The following UGT1A9 variants were observed in gnomAD, a reference collection of about 807,000 sequenced individuals.
UGT1A9 encodes the protein UDP glucuronosyltransferase family 1 member A9.
A neutral mutation model predicts 45.0 loss-of-function variants in UGT1A9; 35 were observed. That is an observed-to-expected ratio of 0.78 (90% CI 0.59 to 1.03). The LOEUF (loss-of-function observed/expected upper bound fraction) is 1.03. Ranked by LOEUF, UGT1A9 falls within the 50% of genes least tolerant of loss-of-function variation. UGT1A9 has a pLI of 0.00. For synonymous variants in UGT1A9, 278 were observed against 250.6 expected (o/e 1.11, Z -1.03); for missense variants, 687 against 666.6 (o/e 1.03, Z -0.34).
intron 1 of UGT1A9, among the ~76,000 whole-genome samples, chr2:233,733,343 A>G (rs1239726536): frequency 4.6e-5 from 7 of 152,182 alleles, no homozygotes. Flanking sequence ...TTCCAACAGT[A>G]TGTTGAGTAG....
intron 1 of UGT1A9, chr2:233,743,933 G>T (rs1319527828): frequency 7.4e-7 from 1 of 1,357,046 alleles, no homozygotes; most frequent in African/African-American, 1.5e-5. Context: ...TGGCCAGAAC[G>T]GCCCACCAGG....
intron 1 of UGT1A9, among the ~76,000 whole-genome samples, chr2:233,707,484 T>TA (rs1234449906): frequency 6.6e-6 from 1 of 152,176 alleles, no homozygotes; most frequent in Admixed American, 6.5e-5. Context: ...CAGATGATTT[T>TA]ACCTGTTTCG....
chr2:233,759,596 C>G (rs1697189496), intron 1 of UGT1A9, among the ~76,000 whole-genome samples: 1 of 145,706 alleles, frequency 6.9e-6, no homozygotes, highest in Non-Finnish European at 1.5e-5. Flanking sequence ...CCCCCCACCC[C>G]CGACCCGCCC....
intron 1 of UGT1A9, among the ~76,000 whole-genome samples, chr2:233,752,110 GAGA>G (rs1201520833): frequency 1.3e-5 from 2 of 152,210 alleles, no homozygotes; most frequent in East Asian, 1.9e-4. Flanking sequence ...AGAATCAGAG[GAGA>G]AGAAGATGAT....
Position 233,713,763 on chromosome 2 carries a change from C to G in UGT1A9, c.855+40974C>G, listed in dbSNP as rs145951104. 4 of 1,613,766 alleles carry G rather than the reference C, an allele frequency of 2.5e-6. No individual in the cohort carries two copies. In the African/African-American group the frequency reaches 4.0e-5, roughly 16 times the overall value. On this transcript the variant is annotated intron_variant, in intron 1 of 4. Transcript: ENST00000354728. Reference sequence around the variant, plus strand: ...CAGCCATGCATCTGTGTGGCTGTTCCGAGGGGACTTTGTGATGGATTACCC... The same window carrying G: ...CAGCCATGCATCTGTGTGGCTGTTCGGAGGGGACTTTGTGATGGATTACCC...
At chr2:233,716,411 C>T (rs1382859700) in intron 1 of UGT1A9, among the ~76,000 whole-genome samples, 1 of 152,134 alleles carries the variant, frequency 6.6e-6, no homozygotes, top group Non-Finnish European at 1.5e-5. Flanking sequence ...GTGAAACCCA[C>T]ATCTTATTCA....
rs768211852 is a variant in UGT1A9 at position 233,729,747 on chromosome 2, C to T, written c.856-37287C>T. 3.1e-6 allele frequency: 5 copies of T among 1,614,002 alleles called. No individual in the cohort carries two copies. The South Asian group carries it at 4.4e-5, about 14-fold the overall frequency. The stretch of plus-strand genomic sequence containing the variant: ...CAACCAATTCAGACCACATGACATT[C>T]ATGCAAAGGGTCAAGAACATGCTCT... On this transcript the variant is annotated intron_variant, in intron 1 of 4. Coordinates refer to ENST00000354728, the MANE Select transcript of UGT1A9 (RefSeq NM_021027.3).
At chr2:233,710,145 TATC>T (rs1430015885) in intron 1 of UGT1A9, among the ~76,000 whole-genome samples, 2 of 152,254 alleles carry the variant, frequency 1.3e-5, no homozygotes, top group African/African-American at 4.8e-5. Context: ...TGTATAGATA[TATC>T]ATCATTTGCT....
chr2:233,722,619 T>G (rs1335321752), intron 1 of UGT1A9, among the ~76,000 whole-genome samples: 2 of 152,244 alleles, frequency 1.3e-5, no homozygotes. Context: ...TGATTTTTCT[T>G]AATGAAGCAT....
At chr2:233,681,842 C>A in intron 1 of UGT1A9, 2 of 1,515,948 alleles carry the variant, frequency 1.3e-6, no homozygotes, top group Non-Finnish European at 1.8e-6. Context: ...TAAGTACACG[C>A]CTTCTTTTGA....
In UGT1A9 at chr2:233,769,623, G is replaced by A. The variant is rs1699907575; in HGVS notation, c.1295+1184G>A. The A allele has an allele frequency of 6.2e-7, 1 of 1,612,212 alleles. No homozygotes were observed. Among genetic ancestry groups the A allele is most frequent in the Non-Finnish European group, 8.5e-7 (1 of 1,179,652 alleles). On this transcript the variant is annotated intron_variant, in intron 4 of 4. Transcript: ENST00000354728. This position sits in a 1 kb window ranked among gnomAD's most constrained non-coding sequence, Gnocchi z 4.4. Reference sequence around the variant, plus strand: ...ACGGGGACACACCAGCTTGAGCAAGGGACAACAGGGGAGGACTGATGACTG... The same window carrying A: ...ACGGGGACACACCAGCTTGAGCAAGAGACAACAGGGGAGGACTGATGACTG...
At chr2:233,748,125 T>A in intron 1 of UGT1A9, 1 of 1,610,546 alleles carries the variant, frequency 6.2e-7, no homozygotes, top group Middle Eastern at 2.0e-4. Context: ...GGCAAAACAG[T>A]TTTTAAAAAT....
chr2:233,682,383 C>T lies in UGT1A9; in HGVS notation c.855+9594C>T, dbSNP rs368625224. ...TGTTTTGATGCAGTGTTTCTCGATC[C>T]TTTTGATGCCTGTGGCTTAATTGTT... is the stretch of plus-strand genomic sequence containing the variant. On this transcript the variant is annotated intron_variant, in intron 1 of 4. Transcript: ENST00000354728. The T allele has an allele frequency of 2.5e-6, 4 of 1,613,858 alleles. No individual in the cohort carries two copies. In the South Asian group the frequency reaches 4.4e-5, roughly 18 times the overall value.
chr2:233,693,023 T>A (rs6759892), intron 1 of UGT1A9: 4 of 1,613,804 alleles, frequency 2.5e-6, no homozygotes, highest in Non-Finnish European at 3.4e-6. Context: ...CCTCCTTCGC[T>A]CATTTCAGAG....
At chr2:233,748,028 C>T in intron 1 of UGT1A9, 2 of 1,613,550 alleles carry the variant, frequency 1.2e-6, no homozygotes, top group Non-Finnish European at 8.5e-7. Context: ...TCATGCCCAA[C>T]ATGGTCTTCA....
intron 1 of UGT1A9, among the ~76,000 whole-genome samples, chr2:233,677,333 T>C (rs2074387834): frequency 6.6e-6 from 1 of 152,160 alleles, no homozygotes; most frequent in Non-Finnish European, 1.5e-5. Flanking sequence ...GCTAGTATAG[T>C]TGACCCCTGA....
intron 1 of UGT1A9, chr2:233,719,325 G>A (rs771082212): frequency 1.1e-5 from 18 of 1,613,804 alleles, no homozygotes; most frequent in African/African-American, 2.7e-5. Flanking sequence ...GTCGATTCCT[G>A]CTGTGTTTTT....
intron 1 of UGT1A9, among the ~76,000 whole-genome samples, chr2:233,738,788 G>T (rs1333447117): frequency 6.6e-6 from 1 of 152,238 alleles, no homozygotes; most frequent in Admixed American, 6.5e-5. Flanking sequence ...ATTCAAGCCA[G>T]ATGCAGAAAT....
intron 1 of UGT1A9, among the ~76,000 whole-genome samples, chr2:233,745,365 T>C (rs1693089556): frequency 6.6e-6 from 1 of 151,880 alleles, no homozygotes; most frequent in Admixed American, 6.5e-5. Flanking sequence ...TTTTTTGAGA[T>C]CTGAGTTCTC....
Sources: gnomAD v4.1 joint callset for allele counts (sites outside exome capture counted in the v4.1 genomes callset) on GRCh38, gnomAD v4.1.1 for gene constraint, Gnocchi (gnomAD v3.1) non-coding constraint, MANE v1.5 for transcripts, NCBI Gene and HGNC (gene_info 2026-07-23, HGNC 2026-07-21) for gene names.